Variants in ESRRG observed in about 807,000 individuals in gnomAD.
ESRRG encodes estrogen-related receptor gamma.
A neutral mutation model predicts 44.0 loss-of-function variants in ESRRG; 13 were observed. The observed-to-expected ratio is 0.30, with a 90% CI of 0.19 to 0.47. The LOEUF is 0.47. ESRRG is among the 20% of genes least tolerant of loss of function. ESRRG has a pLI of 1.00. For synonymous variants in ESRRG, 215 were observed against 214.6 expected (o/e 1.00, Z -0.02); for missense variants, 395 against 580.6 (o/e 0.68, Z 3.29).
intron 2 of ESRRG, among the ~76,000 whole-genome samples, chr1:216,914,911 G>GA (rs1470808166): frequency 1.3e-5 from 2 of 152,302 alleles, no homozygotes; most frequent in African/African-American, 2.4e-5. Context: ...CTCAGGCTCT[G>GA]AAAAAATGTT....
rs368551045 is a variant in ESRRG at position 216,779,494 on chromosome 1, T to TTATATATATAAATATAAATATATATTTA, written c.-13-102004_-13-102003insTAAATATATATTTATATTTATATATATA. On this transcript the variant is annotated intron_variant, in intron 2 of 7. Transcript: ENST00000359162. Reference sequence around the variant, plus strand: ...TATATTTATAAATATAAATATATATTTATATATAAATATATATTTATAAAT... The same window carrying TTATATATATAAATATAAATATATATTTA: ...TATATTTATAAATATAAATATATATTTATATATATAAATATAAATATATATTTATATATATAAATATATATTTATAAAT... Among the ~76,000 whole-genome samples the TTATATATATAAATATAAATATATATTTA allele has an allele frequency of 8.7e-4, 4 of 4,608 alleles. 1 individual carries two copies. The highest frequency in any genetic ancestry group is 3.2e-3 in the African/African-American group (3 of 930). 3.0% of individuals were successfully genotyped at this position (4,608 alleles called of 152,430 possible). A position where few individuals can be genotyped will look rare whatever the true frequency, so the allele number is the denominator to read the frequency against.
chr1:216,701,786 G>C (rs1199251953), intron 1 of ESRRG, among the ~76,000 whole-genome samples: 1 of 152,072 alleles, frequency 6.6e-6, no homozygotes, highest in Non-Finnish European at 1.5e-5. Flanking sequence ...TTCTTTATGG[G>C]AGGCTATTAA....
chr1:216,703,439 C>T (rs1261750688), intron 1 of ESRRG, among the ~76,000 whole-genome samples: 3 of 152,234 alleles, frequency 2.0e-5, no homozygotes, highest in Non-Finnish European at 4.4e-5. Context: ...AGTTTTGTCT[C>T]TGTCAACTTT....
chr1:216,573,649 A>T (rs1157698683), intron 3 of ESRRG, among the ~76,000 whole-genome samples: 1 of 151,878 alleles, frequency 6.6e-6, no homozygotes. Flanking sequence ...TGTTTGAGTG[A>T]TTTATAGAAA....
intron 2 of ESRRG, among the ~76,000 whole-genome samples, chr1:216,775,005 C>G (rs1044790044): frequency 6.6e-6 from 1 of 151,322 alleles, no homozygotes; most frequent in Non-Finnish European, 1.5e-5. Flanking sequence ...AACAAGGTCT[C>G]ACTATATTGC....
Position 217,063,930 on chromosome 1 carries a change from CT to C in ESRRG, c.-106+25576del, listed in dbSNP as rs576975106. Among the ~76,000 whole-genome samples the C allele has an allele frequency of 5.8e-4, 88 of 152,146 alleles. 1 individual carries two copies. Among genetic ancestry groups the C allele is most frequent in the African/African-American group, 2.0e-3 (85 of 41,516 alleles). Reference sequence around the variant, plus strand: ...TTCTCAGGACTCCAGTAGTATGCACCTATTATCCAGAAACTACTAAACCCTG... The same window carrying C: ...TTCTCAGGACTCCAGTAGTATGCACCATTATCCAGAAACTACTAAACCCTG... On this transcript the variant is annotated intron_variant, in intron 1 of 7. Transcript: ENST00000359162.
rs61039286 is a variant in ESRRG, at chr1:216,876,976, A to ATGTGTGTG, written c.-14+62598_-14+62605dup. Among the ~76,000 whole-genome samples the ATGTGTGTG allele has an allele frequency of 2.1e-3, 301 of 145,458 alleles. 1 individual carries two copies. The highest frequency in any genetic ancestry group is 0.011 in the Middle Eastern group (3 of 276). On this transcript the variant is annotated intron_variant, in intron 2 of 7. Coordinates refer to the ESRRG transcript ENST00000359162. ...GTCTGATTCGAGAATCTCTTCACTA[A>ATGTGTGTG]TGTGTGTGTGTGTGTGTGTGTGTGT...
intron 3 of ESRRG, among the ~76,000 whole-genome samples, chr1:216,584,998 A>G (rs1471472649): frequency 2.6e-5 from 4 of 152,238 alleles, no homozygotes; most frequent in Non-Finnish European, 4.4e-5. Context: ...GAATGAAATA[A>G]AAATAGCTGG....
chr1:216,853,897 G>T (rs1447509119), intron 2 of ESRRG, among the ~76,000 whole-genome samples: 5 of 152,156 alleles, frequency 3.3e-5, no homozygotes, highest in East Asian at 3.9e-4. Context: ...ACCATTTATA[G>T]GTTTTTAAGT....
At chr1:216,998,442 C>T (rs1453044674) in intron 1 of ESRRG, among the ~76,000 whole-genome samples, 1 of 152,190 alleles carries the variant, frequency 6.6e-6, no homozygotes, top group East Asian at 1.9e-4. Context: ...ATACCATCCT[C>T]ATTTCATGGA....
chr1:216,838,026 G>A (rs2095595982), intron 2 of ESRRG, among the ~76,000 whole-genome samples: 1 of 152,112 alleles, frequency 6.6e-6, no homozygotes, highest in Non-Finnish European at 1.5e-5. Context: ...TCTTTAGTCT[G>A]TTCCCCAGAA....
chr1:217,036,866 G>A (rs566316678), intron 1 of ESRRG, among the ~76,000 whole-genome samples: 1 of 152,054 alleles, frequency 6.6e-6, no homozygotes, highest in African/African-American at 2.4e-5. Flanking sequence ...ATAGGCGATG[G>A]AAACCAGCCA....
chr1:216,611,427 G>A (rs944026028), intron 3 of ESRRG, among the ~76,000 whole-genome samples: 3 of 152,036 alleles, frequency 2.0e-5, no homozygotes, highest in Non-Finnish European at 2.9e-5. Context: ...TCTTATAAAG[G>A]TGTGTATAAA....
chr1:216,862,078 G>T (rs1479602639), intron 2 of ESRRG, among the ~76,000 whole-genome samples: 1 of 152,156 alleles, frequency 6.6e-6, no homozygotes, highest in Non-Finnish European at 1.5e-5. Context: ...ATACACTGTT[G>T]CTGAGAGTGT....
intron 2 of ESRRG, among the ~76,000 whole-genome samples, chr1:216,806,280 T>A (rs2094789362): frequency 6.6e-6 from 1 of 152,198 alleles, no homozygotes; most frequent in Non-Finnish European, 1.5e-5. Flanking sequence ...AATTGATTGT[T>A]CCCCTATCAA....
intron 2 of ESRRG, among the ~76,000 whole-genome samples, chr1:216,871,416 C>T (rs770472011): frequency 1.1e-4 from 17 of 151,900 alleles, no homozygotes; most frequent in Non-Finnish European, 2.1e-4. Context: ...AATGAATGTT[C>T]CATGCTCCCT....
chr1:216,775,551 C>CTTTTTT lies in ESRRG; in HGVS notation c.-13-98066_-13-98061dup, dbSNP rs71163765. 5.5e-3 allele frequency among the ~76,000 whole-genome samples: 410 copies of CTTTTTT among 74,814 alleles called. 83 individuals are homozygous for CTTTTTT. The highest frequency in any genetic ancestry group is 9.3e-3 in the Non-Finnish European group (327 of 35,276). 49.1% of individuals were successfully genotyped at this position (74,814 alleles called of 152,430 possible). ...TTCCCACCTAAATAAAATGTCACAT[C>CTTTTTT]TTTTTTTTTTTTTTTTTTTTTTTTT... On this transcript the variant is annotated intron_variant, in intron 2 of 7. Transcript: ENST00000359162.
intron 2 of ESRRG, among the ~76,000 whole-genome samples, chr1:216,788,814 C>T (rs1576566870): frequency 1.3e-5 from 2 of 152,112 alleles, no homozygotes; most frequent in Middle Eastern, 6.8e-3. Context: ...AAAATGTCAA[C>T]ATTAACAGGA....
At chr1:216,741,673 G>A (rs1485901108) in intron 2 of ESRRG, among the ~76,000 whole-genome samples, 1 of 152,202 alleles carries the variant, frequency 6.6e-6, no homozygotes, top group African/African-American at 2.4e-5. Context: ...CAGACTGGAT[G>A]TTATTGAACA....
Sources: allele counts gnomAD v4.1 joint callset (sites outside exome capture counted in the v4.1 genomes callset), GRCh38; gene constraint gnomAD v4.1.1; transcripts MANE v1.5; gene names NCBI Gene and HGNC (gene_info 2026-07-23, HGNC 2026-07-21).